Variants in EXOC1 observed in about 807,000 individuals in gnomAD.
EXOC1 encodes the protein SEC3-like 1.
EXOC1 carries 67 observed loss-of-function variants against 107.7 expected under a neutral mutation model. That is an observed-to-expected ratio of 0.62 (90% CI 0.51 to 0.76). EXOC1 has a LOEUF of 0.76. Among genes scored for constraint, EXOC1 ranks in the 30% least tolerant of loss-of-function variants. The pLI is 0.00. For synonymous variants in EXOC1, 348 were observed against 353.5 expected (o/e 0.98, Z 0.17); for missense variants, 833 against 1,055.7 (o/e 0.79, Z 2.92).
chr4:55,892,133 A>G (rs903807228), intron 13 of EXOC1, among the ~76,000 whole-genome samples: 2 of 152,236 alleles, frequency 1.3e-5, no homozygotes, highest in Non-Finnish European at 2.9e-5. Context: ...ATTATGATAA[A>G]TGGTTTAGAG....
chr4:55,872,780 A>G (rs567256474), intron 8 of EXOC1: 9 of 980,172 alleles, frequency 9.2e-6, no homozygotes, highest in East Asian at 2.3e-4. Context: ...CTTCAACTCT[A>G]TAACAGGTCC....
At chr4:55,863,262 G>A (rs1721645387) in intron 3 of EXOC1, among the ~76,000 whole-genome samples, 1 of 151,998 alleles carries the variant, frequency 6.6e-6, no homozygotes, top group Non-Finnish European at 1.5e-5. Flanking sequence ...AGCCTGATGT[G>A]GATTATTGCT....
chr4:55,877,204 T>C, intron 8 of EXOC1: 1 of 985,336 alleles, frequency 1.0e-6, no homozygotes. Context: ...TTAGGTAACC[T>C]TATCAGGAAA....
Position 55,904,514 on chromosome 4 carries a change from A to G in EXOC1, c.*19A>G. The G allele has an allele frequency of 6.3e-7, 1 of 1,596,736 alleles. No homozygotes were observed. The highest frequency in any genetic ancestry group is 8.5e-7 in the Non-Finnish European group (1 of 1,171,172). On this transcript the variant is annotated 3_prime_UTR_variant, in exon 19 of 19. Coordinates refer to ENST00000381295, the MANE Select transcript of EXOC1 (RefSeq NM_001024924.2). ...CCACTAAACCTTGTGAAAGAAGAAA[A>G]GATAACTGAATGAAGCATTTGAGTA...
chr4:55,885,709 A>G (rs945347705), intron 10 of EXOC1: 16 of 152,212 alleles, frequency 1.1e-4, no homozygotes, highest in African/African-American at 3.6e-4. Flanking sequence ...ACAAATGAAA[A>G]TTACAGTATC....
intron 12 of EXOC1, among the ~76,000 whole-genome samples, 196 bp from the exon 13 acceptor site, chr4:55,891,118 CT>C (rs1445218019): frequency 1.3e-5 from 2 of 152,036 alleles, no homozygotes; most frequent in Non-Finnish European, 2.9e-5. Flanking sequence ...ATTTTGTGGC[CT>C]TGTTATACCT....
chr4:55,867,754 T>C (rs1267998590), intron 4 of EXOC1, among the ~76,000 whole-genome samples: 1 of 152,168 alleles, frequency 6.6e-6, no homozygotes, highest in African/African-American at 2.4e-5. Flanking sequence ...GCATGTGAAA[T>C]TTTTTTAAGC....
chr4:55,896,641 A>T lies in EXOC1; in HGVS notation c.1954-76A>T, dbSNP rs77858349. The T allele has an allele frequency of 4.5e-4, 528 of 1,180,544 alleles. 6 individuals carry two copies. In the East Asian group the frequency reaches 0.01, roughly 23 times the overall value. 73.1% of individuals were successfully genotyped at this position (1,180,544 alleles called of 1,614,324 possible). A position where few individuals can be genotyped will look rare whatever the true frequency, so the allele number is the denominator to read the frequency against. On this transcript the variant is annotated intron_variant, in intron 15 of 18. Coordinates refer to ENST00000381295, the MANE Select transcript of EXOC1 (RefSeq NM_001024924.2). ...TATGTATATATCTATATCTCCATCTATATATTTTGTTATGATTATATGTAG... is the reference window on the plus strand; with the variant it reads ...TATGTATATATCTATATCTCCATCTTTATATTTTGTTATGATTATATGTAG...
At chr4:55,876,073 C>G (rs993940943) in intron 8 of EXOC1, 1 of 984,616 alleles carries the variant, frequency 1.0e-6, no homozygotes, top group Non-Finnish European at 1.2e-6. Flanking sequence ...TTATATTGAC[C>G]TTTGGCAACA....
chr4:55,870,910 G>T lies in EXOC1; in HGVS notation c.831+5G>T. 1 of 1,599,456 alleles carries T rather than the reference G, an allele frequency of 6.3e-7. No individual in the cohort carries two copies. The highest frequency in any genetic ancestry group is 8.5e-7 in the Non-Finnish European group (1 of 1,171,988). ...TCTGAGATAGAGTTCCTTGTGGTAA[G>T]TATGATCATAAATTACCAACAAAAA... On this transcript the variant is annotated splice_donor_5th_base_variant and intron_variant, in intron 6 of 18. Transcript: ENST00000381295.
chr4:55,867,401 G>A (rs1722052477), intron 4 of EXOC1, among the ~76,000 whole-genome samples: 1 of 152,040 alleles, frequency 6.6e-6, no homozygotes, highest in Non-Finnish European at 1.5e-5. Context: ...AATACTAAAA[G>A]CATCCAGAGT....
intron 1 of EXOC1, among the ~76,000 whole-genome samples, chr4:55,854,238 C>T (rs1453080420): frequency 2.3e-5 from 3 of 132,424 alleles, no homozygotes; most frequent in Non-Finnish European, 4.7e-5. Flanking sequence ...TTTCCTTGCA[C>T]AGTTATATCT....
At chr4:55,899,639 G>A in intron 16 of EXOC1, 46 bp from the exon 17 acceptor site, 3 of 1,501,910 alleles carry the variant, frequency 2.0e-6, no homozygotes, top group Non-Finnish European at 2.7e-6. Context: ...AGCTAAATAT[G>A]GTCATACTCA....
At chr4:55,858,622 A>C (rs975012071) in intron 2 of EXOC1, among the ~76,000 whole-genome samples, 175 bp downstream of exon 2, 28 of 152,224 alleles carry the variant, frequency 1.8e-4, no homozygotes, top group African/African-American at 5.8e-4. Context: ...ATCTGGTGGC[A>C]GTGAAATAGT....
At chr4:55,876,287 C>A in intron 8 of EXOC1, 1 of 985,340 alleles carries the variant, frequency 1.0e-6, no homozygotes, top group Non-Finnish European at 1.2e-6. Flanking sequence ...ATTCAGGTAG[C>A]CACCCAGAAA....
At chr4:55,860,271 G>T (rs1465768378) in intron 2 of EXOC1, 140 bp from the exon 3 acceptor site, 1 of 903,240 alleles carries the variant, frequency 1.1e-6, no homozygotes, top group Non-Finnish European at 1.6e-6. Flanking sequence ...TGCTTTCCTC[G>T]GTCATAGCAC....
chr4:55,899,784 C>T lies in EXOC1; in HGVS notation c.2237C>T (p.Ser746Leu). The T allele has an allele frequency of 6.2e-7, 1 of 1,613,492 alleles. No homozygotes were observed. The highest frequency in any genetic ancestry group is 8.5e-7 in the Non-Finnish European group (1 of 1,179,712). ...IFATLSRLKI[S>L]CLEAEKKEAK... Reference sequence around the variant, plus strand: ...GCAACTCTTTCTCGATTGAAAATCTCATGTCTAGAAGCAGAAAAAAAAGAA... The same window carrying T: ...GCAACTCTTTCTCGATTGAAAATCTTATGTCTAGAAGCAGAAAAAAAAGAA... Residue 746 changes from serine to leucine, a missense_variant, in exon 17 of 19, where the codon TCA (serine) becomes TTA (leucine). Physicochemically the swap from Ser to Leu is moderately radical, Grantham distance 145. Coordinates refer to ENST00000381295, the MANE Select transcript of EXOC1 (RefSeq NM_001024924.2).
chr4:55,869,090 G>A (rs1215970810), intron 5 of EXOC1, among the ~76,000 whole-genome samples: 2 of 152,102 alleles, frequency 1.3e-5, no homozygotes, highest in Admixed American at 1.3e-4. Flanking sequence ...GCACCTGCTG[G>A]GGCAGTGGCT....
chr4:55,881,217 A>G (rs1723346922), intron 9 of EXOC1, among the ~76,000 whole-genome samples: 1 of 152,072 alleles, frequency 6.6e-6, no homozygotes, highest in Admixed American at 6.6e-5. Context: ...CGGGACTGCT[A>G]CCTTCGTCTG....
Sources: allele counts gnomAD v4.1 joint callset (sites outside exome capture counted in the v4.1 genomes callset), GRCh38; gene constraint gnomAD v4.1.1; transcripts MANE v1.5; gene names NCBI Gene and HGNC (gene_info 2026-07-23, HGNC 2026-07-21).